Variants in ACAD11 observed in about 807,000 individuals in gnomAD.
The protein encoded by ACAD11 is acyl-Coenzyme A dehydrogenase family, member 11.
A neutral mutation model predicts 102.2 loss-of-function variants in ACAD11; 83 were observed. The ratio of observed to expected loss-of-function variants is 0.81; its 90% CI spans 0.68 to 0.97. The LOEUF (loss-of-function observed/expected upper bound fraction) is 0.97, where lower values mean the gene tolerates loss of function less well. ACAD11 is among the 50% of genes least tolerant of loss of function. The probability of loss-of-function intolerance (pLI) is 0.00; values close to 1 mark genes in which losing one functional copy is unlikely to be tolerated. For missense variants in ACAD11, 901 were observed against 951.7 expected, an observed-to-expected ratio of 0.95 and a Z score of 0.70; for synonymous variants, 324 against 319.8, an observed-to-expected ratio of 1.01 and a Z score of -0.14.
At chr3:132,581,832 A>G (rs1937603257) in intron 13 of ACAD11, among the ~76,000 whole-genome samples, 1 of 152,048 alleles carries the variant, frequency 6.6e-6, no homozygotes, top group African/African-American at 2.4e-5. Context: ...AATCTAACAC[A>G]CTACTTAGGC....
chr3:132,605,307 ATGT>A (rs1416231221), intron 11 of ACAD11, 102 bp from the exon 12 acceptor site: 1 of 635,302 alleles, frequency 1.6e-6, no homozygotes, highest in Non-Finnish European at 2.6e-6. Context: ...TTTAAAGCAA[ATGT>A]TTGCTAACAA....
At chr3:132,644,307 A>AAAAG (rs1559975510) in intron 2 of ACAD11, among the ~76,000 whole-genome samples, 19 of 152,250 alleles carry the variant, frequency 1.2e-4, no homozygotes, top group Non-Finnish European at 2.5e-4. Context: ...CCTAGTTTTC[A>AAAAG]ACAAAAATCT....
chr3:132,568,801 CAAAAAAAA>C (rs755568917), intron 17 of ACAD11, among the ~76,000 whole-genome samples: 15 of 68,680 alleles, frequency 2.2e-4, no homozygotes, highest in South Asian at 9.5e-4. Flanking sequence ...CATCCACAGG[CAAAAAAAA>C]AAAAAAAAAA....
intron 13 of ACAD11, among the ~76,000 whole-genome samples, chr3:132,598,265 G>A (rs964845349): frequency 7.9e-5 from 12 of 152,070 alleles, no homozygotes. Flanking sequence ...CAAAACTTAC[G>A]AATTCTGTGC....
chr3:132,603,919 C>A (rs1436519824), intron 12 of ACAD11, among the ~76,000 whole-genome samples: 3 of 152,188 alleles, frequency 2.0e-5, no homozygotes, highest in Non-Finnish European at 4.4e-5. Flanking sequence ...TAATATGACA[C>A]CCCTTTAAAT....
intron 13 of ACAD11, among the ~76,000 whole-genome samples, chr3:132,579,906 C>T (rs1055369892): frequency 2.0e-5 from 3 of 152,018 alleles, no homozygotes; most frequent in African/African-American, 4.8e-5. Context: ...TATATGTCAA[C>T]GTATATGAGG....
At position 132,575,898 on chromosome 3, in the gene ACAD11, T is replaced by C. The variant is rs1405892704; in HGVS notation, c.1875A>G (p.Gln625=). 1 of 1,613,978 alleles carries C rather than the reference T, an allele frequency of 6.2e-7. No individual in the cohort carries two copies. The highest frequency in any genetic ancestry group is 1.3e-5 in the African/African-American group (1 of 75,004). The change falls in exon 17 of 20, where the codon CAA becomes CAG. Residue 625 remains glutamine, a synonymous_variant. Transcript: ENST00000264990. The stretch of plus-strand genomic sequence containing the variant: ...GGATTCTGCCAGGTCCAAGGCGGCC[T>C]TGGGAAATTTCAAATCCCCTACCTT... ...LGEGRGFEIS[Q]GRLGPGRIHH...
Position 132,579,714 on chromosome 3 carries a change from T to C in ACAD11, c.1622-156A>G, listed in dbSNP as rs3762678. On this transcript the variant is annotated intron_variant, in intron 13 of 19. Coordinates refer to ENST00000264990, the MANE Select transcript of ACAD11 (RefSeq NM_032169.5). ...AGATAATAATTCTTTTGTAACACTC[T>C]ATATCATCCAAGAAAAATGATTAGG... Among the ~76,000 whole-genome samples, 920 of 152,252 alleles carry C rather than the reference T, an allele frequency of 6.0e-3. 29 individuals are homozygous for C. In the East Asian group the frequency reaches 0.1, roughly 17 times the overall value.
chr3:132,593,932 G>A (rs1276719233), intron 13 of ACAD11, among the ~76,000 whole-genome samples: 3 of 152,134 alleles, frequency 2.0e-5, no homozygotes, highest in African/African-American at 7.2e-5. Context: ...AGTTGCCTAA[G>A]GTGAGTGATG....
At chr3:132,603,480 A>C (rs1938704998) in intron 12 of ACAD11, among the ~76,000 whole-genome samples, 153 bp from the exon 13 acceptor site, 1 of 152,218 alleles carries the variant, frequency 6.6e-6, no homozygotes, top group South Asian at 2.1e-4. Flanking sequence ...ACCTACACAC[A>C]GTATTCAATA....
chr3:132,634,252 A>G (rs1165901003), intron 5 of ACAD11, among the ~76,000 whole-genome samples: 4 of 152,248 alleles, frequency 2.6e-5, no homozygotes, highest in South Asian at 4.1e-4. Context: ...GAACGATATG[A>G]ACAGACACTT....
At chr3:132,640,639 G>A (rs562428171) in intron 4 of ACAD11, among the ~76,000 whole-genome samples, 10 of 152,048 alleles carry the variant, frequency 6.6e-5, no homozygotes, top group Non-Finnish European at 1.0e-4. Context: ...ATATCAACCT[G>A]GGTTTAAATT....
chr3:132,619,970 T>G (rs1196481612), intron 9 of ACAD11, among the ~76,000 whole-genome samples: 1 of 152,230 alleles, frequency 6.6e-6, no homozygotes, highest in African/African-American at 2.4e-5. Context: ...GCAGCCAAGT[T>G]TGTCCAGGGC....
rs752227863 is a variant in ACAD11 at position 132,561,287 on chromosome 3, G to A, written c.2002-70C>T. The A allele has an allele frequency of 2.6e-6, 3 of 1,140,542 alleles. No homozygotes were observed. In the East Asian group the frequency reaches 7.1e-5, roughly 27 times the overall value. The allele number at this position is 1,140,542 out of a possible 1,614,324, so 70.7% of individuals were successfully genotyped here. ...GTATCTGATGTCCACGTGTAACACA[G>A]TCTTATAGTTTGGTGAAAACACTCT... On this transcript the variant is annotated intron_variant, in intron 17 of 19. Coordinates refer to ENST00000264990, the MANE Select transcript of ACAD11 (RefSeq NM_032169.5).
chr3:132,592,988 T>C (rs879321597), intron 13 of ACAD11, among the ~76,000 whole-genome samples: 28 of 151,942 alleles, frequency 1.8e-4, no homozygotes, highest in Non-Finnish European at 2.1e-4. Context: ...GTTGTTACTA[T>C]AGAAAATGGT....
At position 132,559,927 on chromosome 3, in the gene ACAD11, C is replaced by T. The variant is rs1386524777; in HGVS notation, c.2134G>A (p.Val712Met). The T allele has an allele frequency of 6.2e-7, 1 of 1,612,676 alleles. No individual in the cohort carries two copies. Residue 712 changes from valine to methionine, a missense_variant, in exon 19 of 20, where the codon GTG becomes ATG. Transcript: ENST00000264990. ...TTGCTGACAGCCCGTGGGGCAGCCA[C>T]TTTGATCATTGCAATCTATATAAGC... ...GAKKEIAMIK[V>M]AAPRAVSKIV...
rs185454242 is a variant in ACAD11 at position 132,561,165 on chromosome 3, C to T, written c.2054G>A (p.Arg685His). Residue 685 changes from arginine to histidine, a missense_variant, in exon 18 of 20, where the codon CGC becomes CAC. Transcript: ENST00000264990. The stretch of plus-strand genomic sequence containing the variant: ...GTGAGCAGCTTTCAGAGTCAACAAG[C>T]GGATCTTCTCAATGGCAATGCGGCT... Reference protein sequence around the residue: ...AESRIAIEKIRLLTLKAAHSM... With the variant: ...AESRIAIEKIHLLTLKAAHSM... 23 of 1,613,534 alleles carry T rather than the reference C, an allele frequency of 1.4e-5. No homozygotes were observed. The highest frequency in any genetic ancestry group is 8.9e-5 in the East Asian group (4 of 44,862).
At chr3:132,632,079 T>G (rs970298521) in intron 5 of ACAD11, among the ~76,000 whole-genome samples, 1 of 145,174 alleles carries the variant, frequency 6.9e-6, no homozygotes, top group African/African-American at 2.7e-5. Context: ...GGAATATATA[T>G]ATATGTATTT....
chr3:132,619,816 T>C (rs890187825), intron 9 of ACAD11, among the ~76,000 whole-genome samples: 1 of 152,190 alleles, frequency 6.6e-6, no homozygotes, highest in Non-Finnish European at 1.5e-5. Context: ...TCATAGAAAC[T>C]GCTCAACTAA....
Sources: allele counts gnomAD v4.1 joint callset (sites outside exome capture counted in the v4.1 genomes callset), GRCh38; gene constraint gnomAD v4.1.1; transcripts MANE v1.5; gene names NCBI Gene and HGNC (gene_info 2026-07-23, HGNC 2026-07-21).